CDH13: variants seen among roughly 807,000 people sequenced by gnomAD.
CDH13 encodes cadherin 13.
Under a neutral mutation model 63.8 loss-of-function variants are expected in CDH13, and 24 were observed. That is an observed-to-expected ratio of 0.38 (90% CI 0.27 to 0.53). The LOEUF is 0.53. Ranked by LOEUF, CDH13 falls within the 20% of genes least tolerant of loss-of-function variation. The pLI, the probability that CDH13 is intolerant of heterozygous loss-of-function variation, is 0.85. For missense variants in CDH13, 1,049 were observed against 903.1 expected, an observed-to-expected ratio of 1.16 and a Z score of -2.07; for synonymous variants, 503 against 355.3, an observed-to-expected ratio of 1.42 and a Z score of -4.67.
At chr16:82,895,240 C>T (rs778266311) in intron 2 of CDH13, among the ~76,000 whole-genome samples, 2 of 152,164 alleles carry the variant, frequency 1.3e-5, no homozygotes, top group Non-Finnish European at 2.9e-5. Flanking sequence ...TCCACCAATA[C>T]TACTTTCTGT....
intron 7 of CDH13, among the ~76,000 whole-genome samples, chr16:83,496,178 C>T (rs536957354): frequency 1.3e-5 from 2 of 152,018 alleles, no homozygotes; most frequent in Non-Finnish European, 2.9e-5. Context: ...AAGTATGGAA[C>T]CAAAAAAGAG....
At chr16:83,036,613 C>G (rs1916882195) in intron 3 of CDH13, among the ~76,000 whole-genome samples, 1 of 152,142 alleles carries the variant, frequency 6.6e-6, no homozygotes. Context: ...TCCCACTTTC[C>G]CTCTTCCCGT....
intron 8 of CDH13, among the ~76,000 whole-genome samples, chr16:83,606,982 G>A (rs1367240358): frequency 1.3e-5 from 2 of 151,880 alleles, no homozygotes; most frequent in Non-Finnish European, 2.9e-5. Context: ...AGTGACTTCT[G>A]CTTGCATCTC....
At chr16:83,375,456 T>C (rs565796878) in intron 6 of CDH13, among the ~76,000 whole-genome samples, 1 of 152,332 alleles carries the variant, frequency 6.6e-6, no homozygotes, top group South Asian at 2.1e-4. Flanking sequence ...GCTGACATCT[T>C]ATGAGTATCT....
At chr16:83,720,533 A>G (rs1357161041) in intron 10 of CDH13, among the ~76,000 whole-genome samples, 1 of 152,118 alleles carries the variant, frequency 6.6e-6, no homozygotes, top group Non-Finnish European at 1.5e-5. Flanking sequence ...CCTTGAGCGT[A>G]GGAGTTCGAG....
chr16:82,910,210 C>T (rs888279137), intron 2 of CDH13, among the ~76,000 whole-genome samples: 2 of 152,098 alleles, frequency 1.3e-5, no homozygotes, highest in Non-Finnish European at 2.9e-5. Context: ...AGAATTAAAC[C>T]CTTGTTGTTT....
At chr16:82,854,397 T>C (rs2039608726) in intron 1 of CDH13, among the ~76,000 whole-genome samples, 1 of 35,598 alleles carries the variant, frequency 2.8e-5, no homozygotes, top group South Asian at 1.8e-3. Flanking sequence ...CAAGGCTCTG[T>C]CTCAAAAAAA....
intron 3 of CDH13, among the ~76,000 whole-genome samples, chr16:83,048,125 C>T (rs572265214): frequency 3.9e-5 from 6 of 152,190 alleles, no homozygotes; most frequent in East Asian, 3.9e-4. Flanking sequence ...GAATGATTTC[C>T]GCATGCAGAA....
intron 4 of CDH13, among the ~76,000 whole-genome samples, chr16:83,209,401 G>C (rs182085772): frequency 6.6e-6 from 1 of 152,146 alleles, no homozygotes. Context: ...CCTCCACACA[G>C]AGTCATTTTC....
intron 3 of CDH13, among the ~76,000 whole-genome samples, chr16:83,056,665 T>C (rs1474028431): frequency 1.3e-5 from 2 of 152,090 alleles, no homozygotes; most frequent in Admixed American, 6.5e-5. Context: ...TGATATGGTT[T>C]GGCCGTGTCA....
chr16:82,890,590 GTAA>G, intron 2 of CDH13, among the ~76,000 whole-genome samples: 1 of 151,158 alleles, frequency 6.6e-6, no homozygotes, highest in Non-Finnish European at 1.5e-5. Context: ...TCTTACATTT[GTAA>G]CATTTGTTGT....
intron 10 of CDH13, among the ~76,000 whole-genome samples, chr16:83,739,358 T>C (rs1405196587): frequency 6.6e-6 from 1 of 152,192 alleles, no homozygotes; most frequent in African/African-American, 2.4e-5. Context: ...GCACGTCCGG[T>C]GTGACCCCAC....
intron 1 of CDH13, among the ~76,000 whole-genome samples, chr16:82,808,491 C>T (rs948963454): frequency 2.0e-5 from 3 of 152,144 alleles, no homozygotes; most frequent in Admixed American, 2.0e-4. Context: ...GAAGGACTGA[C>T]AGGAAGGAGA....
At chr16:82,813,124 G>T (rs963532786) in intron 1 of CDH13, among the ~76,000 whole-genome samples, 29 of 152,188 alleles carry the variant, frequency 1.9e-4, no homozygotes, top group African/African-American at 6.5e-4. Flanking sequence ...GATTTAATGT[G>T]TGCTGAAGTA....
intron 11 of CDH13, among the ~76,000 whole-genome samples, chr16:83,772,078 T>A (rs1303205507): frequency 6.6e-6 from 1 of 152,222 alleles, no homozygotes; most frequent in African/African-American, 2.4e-5. Flanking sequence ...GGTGACTTTT[T>A]AGCTTGTATA....
At chr16:82,858,658 G>A in intron 2 of CDH13, 185 bp downstream of exon 2, 1 of 640,024 alleles carries the variant, frequency 1.6e-6, no homozygotes, top group East Asian at 2.7e-5. Flanking sequence ...GAGGTTAATA[G>A]AGTGATATGC....
At chr16:82,803,013 C>G (rs1205050936) in intron 1 of CDH13, among the ~76,000 whole-genome samples, 5 of 152,230 alleles carry the variant, frequency 3.3e-5, no homozygotes, top group African/African-American at 1.2e-4. Context: ...GTTCGGTTTT[C>G]TTCCTTCCAG....
chr16:82,842,434 C>T (rs921537433), intron 1 of CDH13, among the ~76,000 whole-genome samples: 1 of 151,888 alleles, frequency 6.6e-6, no homozygotes, highest in African/African-American at 2.4e-5. Context: ...CACTGTACCA[C>T]TCTTTATTTG....
chr16:83,597,113 C>T (rs1907336729), intron 7 of CDH13, among the ~76,000 whole-genome samples: 1 of 152,080 alleles, frequency 6.6e-6, no homozygotes, highest in African/African-American at 2.4e-5. Flanking sequence ...GTCTTAGCTA[C>T]TTGGGGTGCT....
Sources: allele counts gnomAD v4.1 joint callset (sites outside exome capture counted in the v4.1 genomes callset), GRCh38; gene constraint gnomAD v4.1.1; transcripts MANE v1.5; gene names NCBI Gene and HGNC (gene_info 2026-07-23, HGNC 2026-07-21).